CHST6: variants seen among roughly 807,000 people sequenced by gnomAD.
CHST6 encodes the protein carbohydrate sulfotransferase 6.
For synonymous variants in CHST6, 309 were observed against 276.4 expected (o/e 1.12, Z -1.17); for missense variants, 698 against 586.2 (o/e 1.19, Z -1.97).
intron 1 of CHST6, among the ~76,000 whole-genome samples, chr16:75,494,096 C>T (rs1476541204): frequency 6.6e-6 from 1 of 152,146 alleles, no homozygotes; most frequent in African/African-American, 2.4e-5. Flanking sequence ...CCACCTGCCT[C>T]GGCCTCCCAA....
rs1213985143 is a variant in CHST6, at chr16:75,475,688, A to G, written c.*2953T>C. 1 of 152,244 alleles carries G rather than the reference A, an allele frequency of 6.6e-6. No homozygotes were observed. The highest frequency in any genetic ancestry group is 1.9e-4 in the East Asian group (1 of 5,196). 9.4% of individuals were successfully genotyped at this position (152,244 alleles called of 1,614,324 possible). On this transcript the variant is annotated 3_prime_UTR_variant, in exon 3 of 3. Transcript: ENST00000332272. ...AGGCTTGACTGTACTGCCCATGCGCAGAGAGCAAATTCAGGAGCCAGTCAA... is the reference window on the plus strand; with the variant it reads ...AGGCTTGACTGTACTGCCCATGCGCGGAGAGCAAATTCAGGAGCCAGTCAA...
At chr16:75,493,588 G>A (rs1256398581) in intron 1 of CHST6, among the ~76,000 whole-genome samples, 1 of 151,992 alleles carries the variant, frequency 6.6e-6, no homozygotes, top group African/African-American at 2.4e-5. Flanking sequence ...TTGAAAGAGT[G>A]AGTGAGTGGA....
rs538726773 is a variant in CHST6 at position 75,478,181 on chromosome 16, T to G, written c.*460A>C. On this transcript the variant is annotated 3_prime_UTR_variant, in exon 3 of 3. Coordinates refer to ENST00000332272, the MANE Select transcript of CHST6 (RefSeq NM_021615.5). ...CACCATGTGATTTCAGACAAGTCCT[T>G]TCACTTCCGAGTTTTGCCATGTGTG... 2 of 207,434 alleles carry G rather than the reference T, an allele frequency of 9.6e-6. No individual in the cohort carries two copies. Among genetic ancestry groups the G allele is most frequent in the East Asian group, 2.4e-4 (2 of 8,504 alleles). 12.8% of individuals were successfully genotyped at this position (207,434 alleles called of 1,614,324 possible).
At chr16:75,490,990 TG>T (rs1380627787) in intron 1 of CHST6, among the ~76,000 whole-genome samples, 1 of 151,478 alleles carries the variant, frequency 6.6e-6, no homozygotes, top group African/African-American at 2.4e-5. Flanking sequence ...TATAAGCCAG[TG>T]AACTGTACAC....
intron 1 of CHST6, among the ~76,000 whole-genome samples, chr16:75,490,273 G>A (rs1015940138): frequency 3.3e-5 from 5 of 151,410 alleles, no homozygotes; most frequent in Non-Finnish European, 7.4e-5. Flanking sequence ...GAGGTCGGGA[G>A]TTCGAGACCA....
intron 1 of CHST6, among the ~76,000 whole-genome samples, chr16:75,494,695 G>A (rs1439290145): frequency 6.6e-6 from 1 of 152,214 alleles, no homozygotes; most frequent in Non-Finnish European, 1.5e-5. Flanking sequence ...CGAGACAAAA[G>A]GGGTTCTCCC....
rs886052323 is a variant in CHST6, at chr16:75,481,866, G to C, written c.-66C>G. 5 of 574,090 alleles carry C rather than the reference G, an allele frequency of 8.7e-6. No homozygotes were observed. Among genetic ancestry groups the C allele is most frequent in the Non-Finnish European group, 1.5e-5 (5 of 323,772 alleles). 35.6% of individuals were successfully genotyped at this position (574,090 alleles called of 1,614,324 possible). The stretch of plus-strand genomic sequence containing the variant: ...CTGCAACGCTGATCACAAATCCATG[G>C]GAGATGATTAGAGGTTCCTCAGCAC... On this transcript the variant is annotated 5_prime_UTR_variant, in exon 2 of 3. Transcript: ENST00000332272.
Position 75,495,045 on chromosome 16 carries a change from G to T in CHST6, c.-197C>A. On this transcript the variant is annotated 5_prime_UTR_variant, in exon 1 of 3. Coordinates refer to ENST00000332272, the MANE Select transcript of CHST6 (RefSeq NM_021615.5). ...AACGTCGTCTCTTCCAAATTCCACCGCACAGCCAGCTCTTTCTCTTCACTG... is the reference window on the plus strand; with the variant it reads ...AACGTCGTCTCTTCCAAATTCCACCTCACAGCCAGCTCTTTCTCTTCACTG... 6.6e-6 allele frequency: 1 copy of T among 152,656 alleles called. No homozygotes were observed. The highest frequency in any genetic ancestry group is 1.5e-5 in the Non-Finnish European group (1 of 68,302). 9.5% of individuals were successfully genotyped at this position (152,656 alleles called of 1,614,324 possible). A position where few individuals can be genotyped will look rare whatever the true frequency, so the allele number is the denominator to read the frequency against.
intron 1 of CHST6, among the ~76,000 whole-genome samples, chr16:75,485,777 G>A (rs1275907062): frequency 6.6e-6 from 1 of 152,194 alleles, no homozygotes; most frequent in Non-Finnish European, 1.5e-5. Context: ...CAATCAAGTT[G>A]GGGACACTGA....
At position 75,481,892 on chromosome 16, in the gene CHST6, C is replaced by G; in HGVS notation, c.-91-1G>C. ...GAGATGATTAGAGGTTCCTCAGCAC[C>G]TGGTAAAGCAGGAGGGCGATGGAGT... On this transcript the variant is annotated splice_acceptor_variant, in intron 1 of 2. Transcript: ENST00000332272. LOFTEE classifies it low-confidence loss of function (5UTR_SPLICE). 3 of 482,650 alleles carry G rather than the reference C, an allele frequency of 6.2e-6. No individual in the cohort carries two copies. Among genetic ancestry groups the G allele is most frequent in the South Asian group, 4.6e-5 (3 of 64,740 alleles). The allele number at this position is 482,650 out of a possible 1,614,324, so 29.9% of individuals were successfully genotyped here. A position where few individuals can be genotyped will look rare whatever the true frequency, so the allele number is the denominator to read the frequency against.
chr16:75,481,348 T>G (rs374122981), intron 2 of CHST6, among the ~76,000 whole-genome samples: 6 of 151,708 alleles, frequency 4.0e-5, no homozygotes, highest in East Asian at 3.9e-4. Flanking sequence ...ATCCTAGCAA[T>G]TTGGGAGGTT....
chr16:75,478,267 C>A lies in CHST6; in HGVS notation c.*374G>T, dbSNP rs1421306962. 1.1e-5 allele frequency: 4 copies of A among 361,146 alleles called. No individual in the cohort carries two copies. In the East Asian group the frequency reaches 2.1e-4, roughly 19 times the overall value. 22.4% of individuals were successfully genotyped at this position (361,146 alleles called of 1,614,324 possible). ...GAGCCATTTCACCACAGTGCCTCTCCACTCCCAGCCAGTGCCAGGGCACCC... is the reference window on the plus strand; with the variant it reads ...GAGCCATTTCACCACAGTGCCTCTCAACTCCCAGCCAGTGCCAGGGCACCC... On this transcript the variant is annotated 3_prime_UTR_variant, in exon 3 of 3. Coordinates refer to ENST00000332272, the MANE Select transcript of CHST6 (RefSeq NM_021615.5).
rs56769615 is a variant in CHST6, at chr16:75,474,813, T to A, written c.*3828A>T. 8.7e-3 allele frequency: 3,452 copies of A among 396,234 alleles called. 99 individuals are homozygous for A. The highest frequency in any genetic ancestry group is 0.063 in the African/African-American group (3,081 of 48,566). 24.5% of individuals were successfully genotyped at this position (396,234 alleles called of 1,614,324 possible). On this transcript the variant is annotated 3_prime_UTR_variant, in exon 3 of 3. Coordinates refer to ENST00000332272, the MANE Select transcript of CHST6 (RefSeq NM_021615.5). ...CTCCTGAAATAATGGTGGTTTTTTTTAAGACAGACTCTCGCTTTGTTGCCC... is the reference window on the plus strand; with the variant it reads ...CTCCTGAAATAATGGTGGTTTTTTTAAAGACAGACTCTCGCTTTGTTGCCC...
At position 75,478,971 on chromosome 16, in the gene CHST6, C is replaced by A; in HGVS notation, c.858G>T (p.Ala286=). ...GACTGAGCCCAGTGAAGGCGTAGAG[C>A]GCACGGATTTCTGCCAGCGGCTCCC... The part of the protein sequence containing the change: ...LAREPLAEIR[A]LYAFTGLSLT... Residue 286 remains alanine, a synonymous_variant, in exon 3 of 3, where the codon GCG becomes GCT. Coordinates refer to ENST00000332272, the MANE Select transcript of CHST6 (RefSeq NM_021615.5). 1 of 1,612,968 alleles carries A rather than the reference C, an allele frequency of 6.2e-7. No individual in the cohort carries two copies. The highest frequency in any genetic ancestry group is 8.5e-7 in the Non-Finnish European group (1 of 1,179,962).
At position 75,479,313 on chromosome 16, in the gene CHST6, C is replaced by G. The variant is rs1382537265; in HGVS notation, c.516G>C (p.Val172=). The G allele has an allele frequency of 6.2e-7, 1 of 1,613,250 alleles. No individual in the cohort carries two copies. The highest frequency in any genetic ancestry group is 8.5e-7 in the Non-Finnish European group (1 of 1,179,792). Residue 172 remains valine, a synonymous_variant, in exon 3 of 3, where the codon GTG becomes GTC. Coordinates refer to ENST00000332272, the MANE Select transcript of CHST6 (RefSeq NM_021615.5). ...GGTTGAAGAAGCGCACCTCCTTGAGCACCACGTGGCTGTAGGAGCGGCAGG... is the reference window on the plus strand; with the variant it reads ...GGTTGAAGAAGCGCACCTCCTTGAGGACCACGTGGCTGTAGGAGCGGCAGG... ...REACRSYSHV[V]LKEVRFFNLQ...
rs1279107044 is a variant in CHST6 at position 75,475,247 on chromosome 16, G to T, written c.*3394C>A. On this transcript the variant is annotated 3_prime_UTR_variant, in exon 3 of 3. Transcript: ENST00000332272. ...AGCAGAGCCCCAGCTGAAAACCTAA[G>T]ACAGGTGGAGGTAAAGTTTTGCTTC... The T allele has an allele frequency of 6.6e-6, 1 of 152,258 alleles. No individual in the cohort carries two copies. The highest frequency in any genetic ancestry group is 1.5e-5 in the Non-Finnish European group (1 of 68,084). 9.4% of individuals were successfully genotyped at this position (152,258 alleles called of 1,614,324 possible).
chr16:75,491,196 T>TAA (rs2080252782), intron 1 of CHST6, among the ~76,000 whole-genome samples: 1 of 89,272 alleles, frequency 1.1e-5, no homozygotes, highest in Non-Finnish European at 2.2e-5. Flanking sequence ...AAAAAATATA[T>TAA]ATATATATAT....
In CHST6 at chr16:75,479,615, G is replaced by A. The variant is rs377617168; in HGVS notation, c.214C>T (p.Pro72Ser). The A allele has an allele frequency of 2.5e-6, 4 of 1,612,776 alleles. No homozygotes were observed. The African/African-American group carries it at 4.0e-5, about 16-fold the overall frequency. ...QHPDVFYLME[P>S]AWHVWTTLSQ... ...AGGGTGGTCCACACGTGCCACGCGG[G>A]CTCCATTAGGTAGAAGACGTCGGGG... Residue 72 changes from proline (P) to serine (S), a missense_variant, in exon 3 of 3, where the codon CCC becomes TCC. By Grantham distance (74) the Pro-to-Ser change is moderately conservative. Coordinates refer to ENST00000332272, the MANE Select transcript of CHST6 (RefSeq NM_021615.5).
intron 1 of CHST6, among the ~76,000 whole-genome samples, chr16:75,486,838 G>C (rs2080203317): frequency 6.6e-6 from 1 of 152,116 alleles, no homozygotes; most frequent in South Asian, 2.1e-4. Flanking sequence ...GGTGGGGTGA[G>C]GTGGGAAGGG....
Sources: allele counts gnomAD v4.1 joint callset (sites outside exome capture counted in the v4.1 genomes callset), GRCh38; gene constraint gnomAD v4.1.1; transcripts MANE v1.5; gene names NCBI Gene and HGNC (gene_info 2026-07-23, HGNC 2026-07-21).